The following TXNRD1 variants were observed in gnomAD, a reference collection of about 807,000 sequenced individuals.
The protein encoded by TXNRD1 is thioredoxin reductase 1, cytoplasmic.
Under a neutral mutation model 80.3 loss-of-function variants are expected in TXNRD1, and 57 were observed. The ratio of observed to expected loss-of-function variants is 0.71; its 90% CI spans 0.57 to 0.89. The LOEUF is 0.89. Among genes scored for constraint, TXNRD1 ranks in the 40% least tolerant of loss-of-function variants. The pLI is 0.00. For synonymous variants in TXNRD1, 291 were observed against 285.2 expected, an observed-to-expected ratio of 1.02 and a Z score of -0.20; for missense variants, 730 against 803.0, an observed-to-expected ratio of 0.91 and a Z score of 1.10.
At chr12:104,262,232 TAAAAAAAAA>T (rs56774416) in intron 3 of TXNRD1, 4 of 93,730 alleles carry the variant, frequency 4.3e-5, no homozygotes, top group African/African-American at 1.4e-4. Context: ...GACTCTGTAT[TAAAAAAAAA>T]AAAAAAAAAA....
intron 4 of TXNRD1, among the ~76,000 whole-genome samples, chr12:104,292,748 T>A (rs1273844613): frequency 6.6e-6 from 1 of 152,150 alleles, no homozygotes; most frequent in Non-Finnish European, 1.5e-5. Context: ...ATTTTTAGGA[T>A]AAATGTCAAG....
intron 10 of TXNRD1, 142 bp downstream of exon 10, chr12:104,321,458 T>C: frequency 3.1e-6 from 2 of 649,446 alleles, no homozygotes; most frequent in Non-Finnish European, 5.3e-6. Flanking sequence ...TACTGGTATA[T>C]AAACTTGTAC....
chr12:104,333,641 G>GA (rs1279740046), intron 14 of TXNRD1, among the ~76,000 whole-genome samples: 6 of 149,696 alleles, frequency 4.0e-5, no homozygotes, highest in East Asian at 1.9e-4. Context: ...GCAGCTGGAG[G>GA]AAAAAAAAAA....
chr12:104,332,970 A>C (rs895476170), intron 14 of TXNRD1, among the ~76,000 whole-genome samples: 1 of 151,586 alleles, frequency 6.6e-6, no homozygotes, highest in Non-Finnish European at 1.5e-5. Context: ...TGTATGTCTT[A>C]ATGTTTTTCA....
rs776716920 is a variant in TXNRD1 at position 104,215,859 on chromosome 12, G to T, written c.57G>T (p.Thr19=). The T allele has an allele frequency of 1.3e-5, 21 of 1,559,790 alleles. No homozygotes were observed. Among genetic ancestry groups the T allele is most frequent in the Non-Finnish European group, 1.6e-5 (19 of 1,152,988 alleles). ...VAAAAPTELQ[T]KGKNGDGRRR... Reference sequence around the variant, plus strand: ...CGGCCGCCCCAACGGAGCTGCAGACGAAAGGCAAGAACGGCGATGGCCGCC... The same window carrying T: ...CGGCCGCCCCAACGGAGCTGCAGACTAAAGGCAAGAACGGCGATGGCCGCC... The change falls in exon 1 of 17, where the codon ACG becomes ACT. Residue 19 remains threonine (T), a synonymous_variant. Transcript: ENST00000525566.
intron 4 of TXNRD1, among the ~76,000 whole-genome samples, chr12:104,290,720 CAT>C (rs58669975): frequency 0.075 from 4,194 of 55,612 alleles, 124 homozygotes; most frequent in East Asian, 0.12. Context: ...AAGAAATATA[CAT>C]ATATATATAT....
At chr12:104,344,770 T>G (rs2036439698) in intron 16 of TXNRD1, among the ~76,000 whole-genome samples, 1 of 152,216 alleles carries the variant, frequency 6.6e-6, no homozygotes. Context: ...TGTTCTACTT[T>G]TTACTTCTGT....
At chr12:104,345,323 CCA>C (rs1452844305) in intron 16 of TXNRD1, among the ~76,000 whole-genome samples, 1 of 152,184 alleles carries the variant, frequency 6.6e-6, no homozygotes, top group African/African-American at 2.4e-5. Context: ...AGCTGCAGCT[CCA>C]GAGCCAGCTG....
At chr12:104,279,146 ATG>A (rs2033824162) in intron 3 of TXNRD1, among the ~76,000 whole-genome samples, 1 of 152,230 alleles carries the variant, frequency 6.6e-6, no homozygotes, top group Non-Finnish European at 1.5e-5. Flanking sequence ...TAATAGTCAC[ATG>A]TGGTGAGTGG....
At chr12:104,343,112 G>A (rs993791670) in intron 16 of TXNRD1, among the ~76,000 whole-genome samples, 5 of 152,230 alleles carry the variant, frequency 3.3e-5, no homozygotes, top group African/African-American at 1.2e-4. Context: ...AGGGCCTGCT[G>A]TGTGCTGGGT....
rs967465983 is a variant in TXNRD1 at position 104,304,198 on chromosome 12, C to G, written c.415-7092C>G. On this transcript the variant is annotated intron_variant, in intron 4 of 16. Coordinates refer to ENST00000525566, the MANE Select transcript of TXNRD1 (RefSeq NM_001093771.3). ...TGAGCCGAACCAGAGAAGCAGCCCTCGACGCCCGGTTTCTTGTTATGGCTT... is the reference window on the plus strand; with the variant it reads ...TGAGCCGAACCAGAGAAGCAGCCCTGGACGCCCGGTTTCTTGTTATGGCTT... 6 of 1,614,020 alleles carry G rather than the reference C, an allele frequency of 3.7e-6. No individual in the cohort carries two copies. The Middle Eastern group carries it at 8.2e-4, about 222-fold the overall frequency.
At chr12:104,228,931 G>T (rs568193009) in intron 1 of TXNRD1, among the ~76,000 whole-genome samples, 2 of 151,978 alleles carry the variant, frequency 1.3e-5, no homozygotes, top group Admixed American at 1.3e-4. Flanking sequence ...GTGTTAGCCA[G>T]GCTGGTCTCG....
Position 104,326,403 on chromosome 12 carries a change from A to G in TXNRD1, c.1365A>G (p.Val455=). The G allele has an allele frequency of 1.3e-6, 2 of 1,577,902 alleles. No individual in the cohort carries two copies. Among genetic ancestry groups the G allele is most frequent in the Non-Finnish European group, 1.7e-6 (2 of 1,162,328 alleles). The change falls in exon 12 of 17, where the codon GTA becomes GTG. Residue 455 remains valine (V), a synonymous_variant. Coordinates refer to ENST00000525566, the MANE Select transcript of TXNRD1 (RefSeq NM_001093771.3). ...CAAGAAAAATTGGCTTAGAAACCGT[A>G]GGGGTGAAGATAAATGAAAAGTAAG... ...ACTRKIGLET[V]GVKINEKTGK...
chr12:104,348,317 G>T (rs1316316425), intron 16 of TXNRD1, 36 bp from the exon 17 acceptor site: 1 of 1,607,538 alleles, frequency 6.2e-7, no homozygotes, highest in South Asian at 1.1e-5. Context: ...ATTTGCTCAG[G>T]CATCTGAAGA....
intron 2 of TXNRD1, among the ~76,000 whole-genome samples, chr12:104,255,514 G>A (rs1436676773): frequency 6.6e-6 from 1 of 151,954 alleles, no homozygotes; most frequent in Non-Finnish European, 1.5e-5. Context: ...TAAACATACA[G>A]TTGCCCGAGC....
intron 4 of TXNRD1, chr12:104,303,776 C>T (rs1209688278): frequency 3.2e-6 from 4 of 1,248,902 alleles, no homozygotes; most frequent in Non-Finnish European, 4.3e-6. Flanking sequence ...CCGCCACTTT[C>T]CACACGCTGG....
chr12:104,217,154 G>A (rs1398426112), intron 1 of TXNRD1, among the ~76,000 whole-genome samples: 1 of 152,126 alleles, frequency 6.6e-6, no homozygotes, highest in Non-Finnish European at 1.5e-5. Context: ...GTGGCCATTA[G>A]TACAATGAAG....
chr12:104,270,212 A>G (rs1273611090), intron 3 of TXNRD1, among the ~76,000 whole-genome samples: 1 of 152,206 alleles, frequency 6.6e-6, no homozygotes, highest in Non-Finnish European at 1.5e-5. Flanking sequence ...TCTTTTCCAG[A>G]AGGTTTTCAG....
intron 1 of TXNRD1, among the ~76,000 whole-genome samples, chr12:104,241,189 G>A (rs2032854642): frequency 6.6e-6 from 1 of 151,246 alleles, no homozygotes. Context: ...ACGGGCTCAC[G>A]CCAACATGCC....
Sources: gnomAD v4.1 joint callset for allele counts (sites outside exome capture counted in the v4.1 genomes callset) on GRCh38, gnomAD v4.1.1 for gene constraint, MANE v1.5 for transcripts, NCBI Gene and HGNC (gene_info 2026-07-23, HGNC 2026-07-21) for gene names.